The following AUTS2 variants were observed in gnomAD, a reference collection of about 807,000 sequenced individuals.
AUTS2 encodes autism susceptibility gene 2 protein.
Under a neutral mutation model 112.4 loss-of-function variants are expected in AUTS2, and 17 were observed. The ratio of observed to expected loss-of-function variants is 0.15; its 90% CI spans 0.10 to 0.23. The LOEUF is 0.23. AUTS2 is among the 10% of genes least tolerant of loss of function. The probability of loss-of-function intolerance (pLI) is 1.00; values close to 1 mark genes in which losing one functional copy is unlikely to be tolerated. For synonymous variants in AUTS2, 751 were observed against 702.7 expected (o/e 1.07, Z -1.09); for missense variants, 1,510 against 1,701.6 (o/e 0.89, Z 1.98).
At chr7:70,116,183 T>G (rs1805347946) in intron 2 of AUTS2, among the ~76,000 whole-genome samples, 1 of 152,208 alleles carries the variant, frequency 6.6e-6, no homozygotes, top group African/African-American at 2.4e-5. Context: ...AACTAAGTAC[T>G]TAAGAGCTCA....
chr7:70,623,088 T>C (rs1032304567), intron 5 of AUTS2, among the ~76,000 whole-genome samples: 1 of 152,192 alleles, frequency 6.6e-6, no homozygotes, highest in East Asian at 1.9e-4. Flanking sequence ...ATGGATTATA[T>C]AGGAATTAGG....
chr7:70,239,158 A>G (rs917113063), intron 4 of AUTS2, among the ~76,000 whole-genome samples: 4 of 152,130 alleles, frequency 2.6e-5, no homozygotes, highest in Non-Finnish European at 5.9e-5. Context: ...AATTTTATGA[A>G]CTACAAAATT....
intron 5 of AUTS2, among the ~76,000 whole-genome samples, chr7:70,583,787 A>T (rs1381152034): frequency 6.6e-6 from 1 of 152,234 alleles, no homozygotes; most frequent in Admixed American, 6.5e-5. Flanking sequence ...AAGCAAAAAA[A>T]ACTGCCTTCT....
chr7:70,451,176 T>C (rs1796513885), intron 5 of AUTS2, among the ~76,000 whole-genome samples: 1 of 152,122 alleles, frequency 6.6e-6, no homozygotes, highest in African/African-American at 2.4e-5. Context: ...TACGTGGTGA[T>C]GATAACCATT....
At chr7:69,701,672 T>C (rs1006055333) in intron 1 of AUTS2, among the ~76,000 whole-genome samples, 1 of 152,276 alleles carries the variant, frequency 6.6e-6, no homozygotes, top group Admixed American at 6.5e-5. Context: ...GCATTGATGC[T>C]AATTAGCATT....
At chr7:70,093,936 G>C (rs1804055425) in intron 2 of AUTS2, among the ~76,000 whole-genome samples, 1 of 152,202 alleles carries the variant, frequency 6.6e-6, no homozygotes, top group South Asian at 2.1e-4. Context: ...AAGCCTTCCT[G>C]GAAGAGGTAC....
At chr7:69,954,854 G>T (rs1230645920) in intron 2 of AUTS2, among the ~76,000 whole-genome samples, 1 of 152,132 alleles carries the variant, frequency 6.6e-6, no homozygotes, top group Non-Finnish European at 1.5e-5. Context: ...AGGGTTTCAT[G>T]TTTGGTGTCT....
chr7:69,853,313 T>C (rs925303765), intron 1 of AUTS2, among the ~76,000 whole-genome samples: 6 of 152,088 alleles, frequency 3.9e-5, no homozygotes, highest in Non-Finnish European at 8.8e-5. Context: ...AACTCCATTT[T>C]TTTGCCACAA....
chr7:70,273,677 C>G (rs1212487600), intron 4 of AUTS2, among the ~76,000 whole-genome samples: 1 of 151,944 alleles, frequency 6.6e-6, no homozygotes, highest in Non-Finnish European at 1.5e-5. Flanking sequence ...TTCCAGTACC[C>G]CCTCACCTTC....
intron 6 of AUTS2, among the ~76,000 whole-genome samples, chr7:70,742,375 G>A (rs1024026385): frequency 4.6e-5 from 7 of 152,174 alleles, no homozygotes; most frequent in African/African-American, 1.7e-4. Flanking sequence ...GAGTTTGAAT[G>A]GTTCTTACTT....
intron 4 of AUTS2, among the ~76,000 whole-genome samples, chr7:70,411,528 T>A (rs1288977208): frequency 1.3e-5 from 2 of 152,136 alleles, no homozygotes; most frequent in Non-Finnish European, 2.9e-5. Flanking sequence ...CTTTATCAAG[T>A]ACTGTGATAC....
intron 1 of AUTS2, among the ~76,000 whole-genome samples, chr7:69,866,904 G>T (rs1403172714): frequency 1.3e-5 from 2 of 152,204 alleles, no homozygotes; most frequent in Non-Finnish European, 2.9e-5. Flanking sequence ...TTAGCCGGCT[G>T]GGGTTCAAGA....
At position 70,752,777 on chromosome 7, in the gene AUTS2, ACAAC is replaced by A. The variant is rs1216909788; in HGVS notation, c.743-10091_743-10088del. 5.3e-5 allele frequency among the ~76,000 whole-genome samples: 8 copies of A among 152,322 alleles called. No homozygotes were observed. In the East Asian group the frequency reaches 1.5e-3, roughly 29 times the overall value. On this transcript the variant is annotated intron_variant, in intron 6 of 18. Transcript: ENST00000342771. Reference sequence around the variant, plus strand: ...ATGCCATACCCACCCCCAATAGATCACAACCTATTTCTCTCATTCTAATGTTGGT... The same window carrying A: ...ATGCCATACCCACCCCCAATAGATCACTATTTCTCTCATTCTAATGTTGGT...
chr7:70,432,501 C>G (rs1795714326), intron 4 of AUTS2, among the ~76,000 whole-genome samples: 3 of 152,136 alleles, frequency 2.0e-5, no homozygotes, highest in African/African-American at 7.2e-5. Context: ...AACAGCCTCC[C>G]TTTTTCATAA....
At chr7:70,474,888 G>A (rs1264854482) in intron 5 of AUTS2, among the ~76,000 whole-genome samples, 1 of 152,160 alleles carries the variant, frequency 6.6e-6, no homozygotes, top group Non-Finnish European at 1.5e-5. Flanking sequence ...CTTTCCCTGG[G>A]TTTAGGTCTG....
rs779465333 is a variant in AUTS2 at position 70,766,289 on chromosome 7, C to G, written c.1644C>G (p.His548Gln). The G allele has an allele frequency of 6.2e-7, 1 of 1,614,094 alleles. No homozygotes were observed. The highest frequency in any genetic ancestry group is 8.5e-7 in the Non-Finnish European group (1 of 1,179,998). ...THQHTFTPFP[H>Q]AIPPTAIMPT... ...AGCACACCTTCACGCCGTTCCCCCA[C>G]GCCATCCCACCCACCGCCATCATGC... The change falls in exon 9 of 19, where the codon CAC becomes CAG. Residue 548 changes from histidine (H) to glutamine (Q), a missense_variant. His to Gln is a conservative substitution (Grantham distance 24). Around this residue, in one of 3 missense-constraint regions of AUTS2, gnomAD observed 187 missense variants for 309.7 expected, o/e 0.60. Transcript: ENST00000342771. The surrounding 1 kb of genome is among the most constrained non-coding windows in gnomAD (Gnocchi z 4.8).
At chr7:70,699,802 G>A (rs1306324045) in intron 6 of AUTS2, among the ~76,000 whole-genome samples, 2 of 152,120 alleles carry the variant, frequency 1.3e-5, no homozygotes, top group Non-Finnish European at 2.9e-5. Flanking sequence ...GAAGATGTGT[G>A]CCATTCATAG....
chr7:70,453,174 G>T (rs563044286), intron 5 of AUTS2, among the ~76,000 whole-genome samples: 89 of 152,336 alleles, frequency 5.8e-4, no homozygotes, highest in African/African-American at 2.0e-3. Context: ...CTGCCTGCCA[G>T]TGTGCCCCTC....
intron 4 of AUTS2, among the ~76,000 whole-genome samples, chr7:70,150,964 C>T (rs1807401806): frequency 6.6e-6 from 1 of 152,156 alleles, no homozygotes. Context: ...GGACAGTGAT[C>T]CCTGAAAGAA....
Sources: allele counts gnomAD v4.1 joint callset (sites outside exome capture counted in the v4.1 genomes callset), GRCh38; gene constraint gnomAD v4.1.1; regional missense constraint gnomAD v4.1.1; non-coding constraint Gnocchi (gnomAD v3.1); transcripts MANE v1.5; gene names NCBI Gene and HGNC (gene_info 2026-07-23, HGNC 2026-07-21).